TGFBR3: variants seen among roughly 807,000 people sequenced by gnomAD.
TGFBR3 encodes transforming growth factor beta receptor 3.
Under a neutral mutation model 87.9 loss-of-function variants are expected in TGFBR3, and 46 were observed. The ratio of observed to expected loss-of-function variants is 0.52; its 90% confidence interval spans 0.41 to 0.67. TGFBR3 has a LOEUF of 0.67. Ranked by LOEUF, TGFBR3 falls within the 30% of genes least tolerant of loss-of-function variation. The probability of loss-of-function intolerance (pLI) is 0.00; values close to 1 mark genes in which losing one functional copy is unlikely to be tolerated. For synonymous variants in TGFBR3, 381 were observed against 391.6 expected (o/e 0.97, Z 0.32); for missense variants, 866 against 1,041.9 (o/e 0.83, Z 2.32).
chr1:91,709,161 G>T (rs1426209465), intron 13 of TGFBR3, among the ~76,000 whole-genome samples: 1 of 152,126 alleles, frequency 6.6e-6, no homozygotes, highest in African/African-American at 2.4e-5. Context: ...TGGTGATTGT[G>T]GGAAATTTCC....
intron 2 of TGFBR3, among the ~76,000 whole-genome samples, chr1:91,816,660 T>C (rs900543986): frequency 6.6e-5 from 10 of 152,224 alleles, no homozygotes; most frequent in African/African-American, 1.9e-4. Flanking sequence ...GTGGTTCCCA[T>C]ATATTGGGCT....
In TGFBR3 at chr1:91,734,768, A is replaced by G. The variant is rs1216846444; in HGVS notation, c.568+8T>C. 1 of 1,614,144 alleles carries G rather than the reference A, an allele frequency of 6.2e-7. No individual in the cohort carries two copies. The highest frequency in any genetic ancestry group is 1.1e-5 in the South Asian group (1 of 91,078). On this transcript the variant is annotated splice_region_variant and intron_variant, in intron 5 of 16. Coordinates refer to ENST00000212355, the MANE Select transcript of TGFBR3 (RefSeq NM_003243.5). ...ATCAGTCATTAACTGAAGCCACATA[A>G]AATTTACCTTCCCCCACTTTAATAT...
At chr1:91,905,852 T>C (rs1026021083) in exon 1 of TGFBR3, 1 of 152,228 alleles carries the variant, frequency 6.6e-6, no homozygotes, top group Non-Finnish European at 1.5e-5. Context: ...CTCTGCTTCC[T>C]TGTGTGTGCT....
At chr1:91,804,377 T>C (rs1412779008) in intron 2 of TGFBR3, among the ~76,000 whole-genome samples, 1 of 152,196 alleles carries the variant, frequency 6.6e-6, no homozygotes. Context: ...TATCTCTCCG[T>C]TGGCACACCA....
intron 14 of TGFBR3, among the ~76,000 whole-genome samples, chr1:91,698,707 G>T (rs1671512829): frequency 6.6e-6 from 1 of 151,846 alleles, no homozygotes; most frequent in Non-Finnish European, 1.5e-5. Context: ...TCACCACATT[G>T]CCCTGGCTGG....
intron 3 of TGFBR3, among the ~76,000 whole-genome samples, chr1:91,772,442 T>G (rs991305190): frequency 6.6e-6 from 1 of 152,082 alleles, no homozygotes; most frequent in Non-Finnish European, 1.5e-5. Context: ...CAACCCTAAA[T>G]CTCCTAGACT....
chr1:91,871,279 A>G (rs1397018575), intron 1 of TGFBR3, among the ~76,000 whole-genome samples: 1 of 152,206 alleles, frequency 6.6e-6, no homozygotes, highest in African/African-American at 2.4e-5. Flanking sequence ...GGGTAGTCTG[A>G]TGAGATCTGG....
chr1:91,780,550 G>GTTTTTT (rs563352956), intron 3 of TGFBR3, among the ~76,000 whole-genome samples: 3 of 75,542 alleles, frequency 4.0e-5, no homozygotes, highest in Admixed American at 1.3e-4. Context: ...AGGGTCTAAG[G>GTTTTTT]CTTTTTTTTT....
chr1:91,840,605 C>T (rs1677238033), intron 2 of TGFBR3, among the ~76,000 whole-genome samples: 1 of 151,886 alleles, frequency 6.6e-6, no homozygotes, highest in African/African-American at 2.4e-5. Context: ...CCAAATAAGA[C>T]ATATTTCATT....
At chr1:91,822,636 CT>C (rs1205710667) in intron 2 of TGFBR3, among the ~76,000 whole-genome samples, 1 of 152,150 alleles carries the variant, frequency 6.6e-6, no homozygotes, top group African/African-American at 2.4e-5. Context: ...CCTTACAAAG[CT>C]GAATAAGGGC....
Position 91,758,707 on chromosome 1 carries a change from T to C in TGFBR3, c.290A>G (p.His97Arg). Residue 97 changes from histidine (H) to arginine (R), a missense_variant, in exon 4 of 17, where the codon CAC becomes CGC. Coordinates refer to ENST00000212355, the MANE Select transcript of TGFBR3 (RefSeq NM_003243.5). Reference protein sequence around the residue: ...LNPISSVHIHHKSVVFLLNSP... With the variant: ...LNPISSVHIHRKSVVFLLNSP... ...GTTGAGCAGGAACACAACAGACTTG[T>C]GGTGGATGTGGACTGAGGAGATGGG... 1 of 1,613,914 alleles carries C rather than the reference T, an allele frequency of 6.2e-7. No individual in the cohort carries two copies. Among genetic ancestry groups the C allele is most frequent in the Non-Finnish European group, 8.5e-7 (1 of 1,179,914 alleles).
chr1:91,805,657 T>G (rs1037271351), intron 2 of TGFBR3, among the ~76,000 whole-genome samples: 1 of 152,248 alleles, frequency 6.6e-6, no homozygotes, highest in African/African-American at 2.4e-5. Flanking sequence ...CTGGGCCACC[T>G]GAGGCCACAC....
chr1:91,691,330 AT>A (rs1203866152), intron 16 of TGFBR3, among the ~76,000 whole-genome samples: 19 of 152,194 alleles, frequency 1.2e-4, no homozygotes, highest in Non-Finnish European at 2.5e-4. Context: ...ATGTATAAAC[AT>A]ACACCTAACT....
At position 91,886,118 on chromosome 1, in the gene TGFBR3, A is replaced by G. The variant is rs1052752409; in HGVS notation, c.-354T>C. ...CCCTCCTTCACTCGCTGGGAAGAGG[A>G]AAGTGCCGCTCGGCGTCCCCGAAAC... On this transcript the variant is annotated 5_prime_UTR_variant, in exon 1 of 17. Coordinates refer to ENST00000212355, the MANE Select transcript of TGFBR3 (RefSeq NM_003243.5). 4.4e-6 allele frequency: 2 copies of G among 453,958 alleles called. No individual in the cohort carries two copies. Among genetic ancestry groups the G allele is most frequent in the East Asian group, 7.0e-5 (1 of 14,362 alleles). 28.1% of individuals were successfully genotyped at this position (453,958 alleles called of 1,614,324 possible). A position where few individuals can be genotyped will look rare whatever the true frequency, so the allele number is the denominator to read the frequency against.
At chr1:91,772,109 G>A (rs1055960487) in intron 3 of TGFBR3, among the ~76,000 whole-genome samples, 3 of 152,230 alleles carry the variant, frequency 2.0e-5, no homozygotes, top group Non-Finnish European at 2.9e-5. Context: ...AGATCACAAT[G>A]AGCCTTGAAA....
intron 3 of TGFBR3, among the ~76,000 whole-genome samples, chr1:91,765,979 A>G (rs959589493): frequency 6.6e-6 from 1 of 152,160 alleles, no homozygotes; most frequent in Non-Finnish European, 1.5e-5. Context: ...TAACACTAAT[A>G]TGTAACCAAA....
chr1:91,784,177 TAAAAGAG>T (rs1253297161), intron 3 of TGFBR3, among the ~76,000 whole-genome samples: 6 of 151,966 alleles, frequency 3.9e-5, no homozygotes, highest in Admixed American at 6.6e-5. Context: ...TAAGATTAAT[TAAAAGAG>T]ATTTAATTAA....
chr1:91,702,960 A>C (rs911371444), intron 14 of TGFBR3, among the ~76,000 whole-genome samples: 7 of 152,024 alleles, frequency 4.6e-5, no homozygotes, highest in Non-Finnish European at 8.8e-5. Flanking sequence ...CAGGAGAATC[A>C]CTTGAACCCA....
chr1:91,795,408 G>A (rs1049243714), intron 3 of TGFBR3, among the ~76,000 whole-genome samples: 4 of 152,146 alleles, frequency 2.6e-5, no homozygotes, highest in African/African-American at 9.7e-5. Flanking sequence ...CTAATGTTAT[G>A]TATCCTCAGT....
Sources: gnomAD v4.1 joint callset for allele counts (sites outside exome capture counted in the v4.1 genomes callset) on GRCh38, gnomAD v4.1.1 for gene constraint, MANE v1.5 for transcripts, NCBI Gene and HGNC (gene_info 2026-07-23, HGNC 2026-07-21) for gene names.